The following GMDS variants were observed in gnomAD, a reference collection of about 807,000 sequenced individuals.
GMDS encodes GDP-mannose 4,6 dehydratase.
Under a neutral mutation model 49.9 loss-of-function variants are expected in GMDS, and 20 were observed. The observed-to-expected ratio is 0.40, with a 90% CI of 0.28 to 0.58. The LOEUF (loss-of-function observed/expected upper bound fraction) is 0.58, where lower values mean the gene tolerates loss of function less well. Ranked by LOEUF, GMDS falls within the 20% of genes least tolerant of loss-of-function variation. The pLI is 0.42. For synonymous variants in GMDS, 177 were observed against 178.6 expected (o/e 0.99, Z 0.07); for missense variants, 362 against 481.4 (o/e 0.75, Z 2.32).
intron 1 of GMDS, among the ~76,000 whole-genome samples, chr6:2,177,089 G>A (rs1346978109): frequency 2.6e-5 from 4 of 152,166 alleles, no homozygotes; most frequent in Non-Finnish European, 5.9e-5. Context: ...CAGTTGGAAC[G>A]CCAGCCTTGG....
At chr6:1,686,817 C>T (rs13220080) in intron 9 of GMDS, among the ~76,000 whole-genome samples, 571 of 152,304 alleles carry the variant, frequency 3.7e-3, no homozygotes, top group Non-Finnish European at 7.0e-3. Flanking sequence ...AAACCATTCA[C>T]TCTGAGGTAC....
rs768525985 is a variant in GMDS, at chr6:2,168,860, G to A, written c.103-44129C>T. Among the ~76,000 whole-genome samples, 7 of 152,250 alleles carry A rather than the reference G, an allele frequency of 4.6e-5. No individual in the cohort carries two copies. The East Asian group carries it at 1.2e-3, about 25-fold the overall frequency. ...AAAAAAGTCTGCTCTCAATTTTGATGTATTTCTAAGTCCTTACAGCCAACA... is the reference window on the plus strand; with the variant it reads ...AAAAAAGTCTGCTCTCAATTTTGATATATTTCTAAGTCCTTACAGCCAACA... On this transcript the variant is annotated intron_variant, in intron 1 of 10. Transcript: ENST00000380815.
intron 4 of GMDS, among the ~76,000 whole-genome samples, chr6:2,014,119 C>G (rs1439261170): frequency 7.4e-6 from 1 of 135,822 alleles, no homozygotes; most frequent in Non-Finnish European, 1.6e-5. Context: ...ATTATCCCCC[C>G]CCCCCAAAAA....
At chr6:1,637,466 T>C (rs1763195350) in intron 9 of GMDS, among the ~76,000 whole-genome samples, 1 of 152,262 alleles carries the variant, frequency 6.6e-6, no homozygotes, top group Non-Finnish European at 1.5e-5. Flanking sequence ...TCCGGGGAGC[T>C]GTCACCTGTG....
intron 9 of GMDS, among the ~76,000 whole-genome samples, chr6:1,674,558 C>CCCT (rs1764542636): frequency 1.4e-5 from 1 of 71,426 alleles, no homozygotes; most frequent in African/African-American, 5.5e-5. Flanking sequence ...CTCTCTCTCT[C>CCCT]TCTTTTTTTT....
intron 9 of GMDS, among the ~76,000 whole-genome samples, chr6:1,686,034 G>A (rs150471663): frequency 8.3e-4 from 127 of 152,200 alleles, no homozygotes; most frequent in African/African-American, 2.9e-3. Flanking sequence ...ACAAGAAGTC[G>A]CTCCACATTG....
At chr6:1,784,838 C>G (rs894053486) in intron 7 of GMDS, among the ~76,000 whole-genome samples, 1 of 152,240 alleles carries the variant, frequency 6.6e-6, no homozygotes, top group Non-Finnish European at 1.5e-5. Context: ...CTCCAAGCTA[C>G]AACTGTTATG....
chr6:2,192,504 G>A (rs1779077455), intron 1 of GMDS, among the ~76,000 whole-genome samples: 1 of 152,208 alleles, frequency 6.6e-6, no homozygotes, highest in Admixed American at 6.5e-5. Context: ...GAACAGCTGT[G>A]GTCCTTCAAG....
intron 9 of GMDS, among the ~76,000 whole-genome samples, chr6:1,651,273 T>C (rs1469659343): frequency 6.6e-6 from 1 of 152,200 alleles, no homozygotes; most frequent in Non-Finnish European, 1.5e-5. Context: ...GAAAATTCAA[T>C]GACAAGTTCA....
At chr6:1,657,340 C>T (rs72838820) in intron 9 of GMDS, among the ~76,000 whole-genome samples, 14,172 of 152,266 alleles carry the variant, frequency 0.093, 981 homozygotes, top group Admixed American at 0.21. Flanking sequence ...GTGCTGGAAG[C>T]GGTGCTTATG....
chr6:2,124,310 ATTG>A (rs1775299150), intron 2 of GMDS, among the ~76,000 whole-genome samples: 2 of 152,152 alleles, frequency 1.3e-5, no homozygotes, highest in Non-Finnish European at 1.5e-5. Flanking sequence ...CTTGGTTTTT[ATTG>A]TTCTCTGTAA....
intron 4 of GMDS, among the ~76,000 whole-genome samples, chr6:2,088,568 T>C (rs1157659624): frequency 6.6e-6 from 1 of 152,228 alleles, no homozygotes; most frequent in Non-Finnish European, 1.5e-5. Flanking sequence ...TCTCTCTTTT[T>C]TATTGAGATA....
intron 9 of GMDS, among the ~76,000 whole-genome samples, chr6:1,663,183 A>G (rs1470718798): frequency 6.6e-6 from 1 of 152,194 alleles, no homozygotes; most frequent in African/African-American, 2.4e-5. Context: ...TAGAACATGC[A>G]CTGATAAGGA....
chr6:1,858,938 C>T (rs948315693), intron 7 of GMDS, among the ~76,000 whole-genome samples: 11 of 149,674 alleles, frequency 7.3e-5, no homozygotes, highest in African/African-American at 2.7e-4. Context: ...GGAGAAATGG[C>T]CGTATCTCAG....
intron 4 of GMDS, among the ~76,000 whole-genome samples, chr6:2,062,215 C>A (rs1272768632): frequency 1.3e-5 from 2 of 152,122 alleles, no homozygotes; most frequent in Non-Finnish European, 2.9e-5. Flanking sequence ...AAGCATCTAC[C>A]TGAGGCGCTG....
intron 7 of GMDS, among the ~76,000 whole-genome samples, chr6:1,747,926 T>A (rs1767576183): frequency 6.6e-6 from 1 of 152,164 alleles, no homozygotes; most frequent in African/African-American, 2.4e-5. Context: ...GTTTTAAAGA[T>A]ACGACGTTAC....
chr6:2,187,886 T>C (rs1286439940), intron 1 of GMDS, among the ~76,000 whole-genome samples: 2 of 152,226 alleles, frequency 1.3e-5, no homozygotes, highest in Non-Finnish European at 2.9e-5. Flanking sequence ...ACCACCACTC[T>C]CGTTTCAGAA....
rs139972991 is a variant in GMDS, at chr6:1,642,218, G to A, written c.988-17678C>T. ...GTCTCACTCTATCGCCCAGGCTGGA[G>A]TGCAGTGGTGTGATCTCGGCTCACT... On this transcript the variant is annotated intron_variant, in intron 9 of 10. Coordinates refer to ENST00000380815, the MANE Select transcript of GMDS (RefSeq NM_001500.4). Among the ~76,000 whole-genome samples the A allele has an allele frequency of 7.3e-3, 1,071 of 146,040 alleles. 15 individuals are homozygous for A. Among genetic ancestry groups the A allele is most frequent in the African/African-American group, 0.026 (1,006 of 38,988 alleles).
chr6:2,235,527 C>A (rs1237249925), intron 1 of GMDS, among the ~76,000 whole-genome samples: 1 of 151,902 alleles, frequency 6.6e-6, no homozygotes, highest in Non-Finnish European at 1.5e-5. Context: ...AAACTGGGGC[C>A]AGGCACAGTG....
Sources: gnomAD v4.1 joint callset for allele counts (sites outside exome capture counted in the v4.1 genomes callset) on GRCh38, gnomAD v4.1.1 for gene constraint, MANE v1.5 for transcripts, NCBI Gene and HGNC (gene_info 2026-07-23, HGNC 2026-07-21) for gene names.